SNTG2: variants seen among roughly 807,000 people sequenced by gnomAD.
SNTG2 encodes gamma-2-syntrophin.
A neutral mutation model predicts 70.9 loss-of-function variants in SNTG2; 74 were observed. The ratio of observed to expected loss-of-function variants is 1.04; its 90% confidence interval spans 0.86 to 1.27. The LOEUF (loss-of-function observed/expected upper bound fraction) is 1.27. SNTG2 is among the 50% of genes most tolerant of loss of function. The pLI is 0.00. For missense variants in SNTG2, 717 were observed against 690.7 expected, an observed-to-expected ratio of 1.04 and a Z score of -0.43; for synonymous variants, 278 against 273.8, an observed-to-expected ratio of 1.02 and a Z score of -0.15.
intron 1 of SNTG2, among the ~76,000 whole-genome samples, chr2:958,746 G>A (rs756800267): frequency 6.6e-6 from 1 of 151,772 alleles, no homozygotes; most frequent in Non-Finnish European, 1.5e-5. Context: ...AAAATTGTGT[G>A]GACTTCCAAA....
chr2:1,180,007 T>TATGTAGAA (rs1671755105), intron 8 of SNTG2, among the ~76,000 whole-genome samples: 1 of 134,018 alleles, frequency 7.5e-6, no homozygotes, highest in African/African-American at 2.7e-5. Flanking sequence ...GAAAACTGGC[T>TATGTAGAA]AGCCATATGT....
intron 8 of SNTG2, among the ~76,000 whole-genome samples, chr2:1,203,146 A>G (rs1408135491): frequency 1.3e-5 from 2 of 152,178 alleles, no homozygotes; most frequent in Non-Finnish European, 2.9e-5. Context: ...AACATTCAAC[A>G]AGATAGATGG....
chr2:1,281,028 T>G (rs1430465954), intron 14 of SNTG2, among the ~76,000 whole-genome samples: 1 of 152,164 alleles, frequency 6.6e-6, no homozygotes, highest in Non-Finnish European at 1.5e-5. Flanking sequence ...CTCCAAGTAG[T>G]TTTTTATTCA....
At chr2:1,122,763 A>G (rs950585476) in intron 4 of SNTG2, among the ~76,000 whole-genome samples, 9 of 151,956 alleles carry the variant, frequency 5.9e-5, no homozygotes, top group African/African-American at 2.2e-4. Context: ...TAAGAAAGGA[A>G]GAAGTAAAGT....
rs531054872 is a variant in SNTG2 at position 1,291,475 on chromosome 2, TTTTAGC to T, written c.1285-17017_1285-17012del. On this transcript the variant is annotated intron_variant, in intron 14 of 16. Transcript: ENST00000308624. The stretch of plus-strand genomic sequence containing the variant: ...ATTTTTAATCACAAGAATTTTACAA[TTTTAGC>T]TGTGACATTTAGAGTTTTGGTCTGT... 5.0e-3 allele frequency among the ~76,000 whole-genome samples: 765 copies of T among 152,296 alleles called. 10 individuals are homozygous for T. The highest frequency in any genetic ancestry group is 0.017 in the African/African-American group (703 of 41,564).
chr2:1,181,083 G>T (rs1266181542), intron 8 of SNTG2, among the ~76,000 whole-genome samples: 1 of 152,106 alleles, frequency 6.6e-6, no homozygotes, highest in African/African-American at 2.4e-5. Flanking sequence ...GGGGGAAGGG[G>T]AGAGGGATAG....
At chr2:1,075,274 G>C (rs76046748) in intron 1 of SNTG2, among the ~76,000 whole-genome samples, 1 of 152,182 alleles carries the variant, frequency 6.6e-6, no homozygotes, top group African/African-American at 2.4e-5. Context: ...GAGTGGGGAC[G>C]ACCTGAGTGG....
intron 14 of SNTG2, among the ~76,000 whole-genome samples, chr2:1,287,063 C>T (rs1189496173): frequency 1.3e-5 from 2 of 152,062 alleles, no homozygotes; most frequent in Non-Finnish European, 2.9e-5. Flanking sequence ...GAAGGGCAGG[C>T]GTGTTTGGAA....
intron 14 of SNTG2, among the ~76,000 whole-genome samples, chr2:1,294,932 C>T (rs1352785010): frequency 3.9e-5 from 6 of 152,342 alleles, no homozygotes; most frequent in South Asian, 2.1e-4. Flanking sequence ...CACCCAGAGG[C>T]GAGGAAGTAG....
chr2:1,204,672 G>A (rs574266750), intron 8 of SNTG2, among the ~76,000 whole-genome samples: 5 of 152,254 alleles, frequency 3.3e-5, no homozygotes, highest in South Asian at 2.1e-4. Context: ...TTCTCATCAC[G>A]TTCTTTACAG....
At chr2:1,155,605 C>T (rs1409954018) in intron 6 of SNTG2, among the ~76,000 whole-genome samples, 2 of 152,186 alleles carry the variant, frequency 1.3e-5, no homozygotes, top group African/African-American at 4.8e-5. Flanking sequence ...ACAATCTGGA[C>T]GTCAGCCCTG....
intron 16 of SNTG2, among the ~76,000 whole-genome samples, chr2:1,363,129 A>AC (rs11453480): frequency 0.3 from 41,500 of 140,622 alleles, 7,792 homozygotes; most frequent in East Asian, 0.57. Context: ...CACAAAATGG[A>AC]CCCCCCCCAT....
chr2:1,001,281 GAGAA>G (rs1218329610), intron 1 of SNTG2, among the ~76,000 whole-genome samples: 35 of 152,162 alleles, frequency 2.3e-4, no homozygotes, highest in Admixed American at 6.5e-4. Flanking sequence ...AGTCAGTAAA[GAGAA>G]AGACATAAAA....
At chr2:1,125,692 T>A (rs4511755) in intron 4 of SNTG2, among the ~76,000 whole-genome samples, 72,183 of 151,954 alleles carry the variant, frequency 0.48, 18,164 homozygotes, top group East Asian at 0.66. Flanking sequence ...CTGTTTTAAT[T>A]TTGATGTGTG....
rs180749473 is a variant in SNTG2 at position 1,306,095 on chromosome 2, C to T, written c.1285-2399C>T. On this transcript the variant is annotated intron_variant, in intron 14 of 16. Transcript: ENST00000308624. The stretch of plus-strand genomic sequence containing the variant: ...ACCTCCTGTGGCCTTTCACATAGAA[C>T]CTCAGTCCTTATCACACTCTGGGTC... Among the ~76,000 whole-genome samples the T allele has an allele frequency of 2.1e-3, 319 of 152,328 alleles. 1 individual carries two copies. The highest frequency in any genetic ancestry group is 6.6e-3 in the South Asian group (32 of 4,828).
rs554486231 is a variant in SNTG2 at position 1,026,513 on chromosome 2, G to T, written c.73-57005G>T. Among the ~76,000 whole-genome samples, 10 of 152,236 alleles carry T rather than the reference G, an allele frequency of 6.6e-5. 1 individual carries two copies. In the South Asian group the frequency reaches 1.2e-3, roughly 19 times the overall value. ...TCCAAAAACACAAATAAATAAAACT[G>T]CTAGGAAAAAAAGTGAGGGAGATAT... On this transcript the variant is annotated intron_variant, in intron 1 of 16. Transcript: ENST00000308624.
chr2:1,193,146 G>A (rs1424648157), intron 8 of SNTG2, among the ~76,000 whole-genome samples: 1 of 152,176 alleles, frequency 6.6e-6, no homozygotes, highest in African/African-American at 2.4e-5. Flanking sequence ...CCTCATTGTT[G>A]TAATAGCTTC....
intron 8 of SNTG2, among the ~76,000 whole-genome samples, chr2:1,196,917 A>G (rs1672943553): frequency 6.6e-6 from 1 of 152,186 alleles, no homozygotes; most frequent in Non-Finnish European, 1.5e-5. Context: ...CACATCTACC[A>G]TCATGAAAAA....
intron 1 of SNTG2, among the ~76,000 whole-genome samples, chr2:1,023,335 C>T (rs1332653509): frequency 6.6e-6 from 1 of 152,046 alleles, no homozygotes; most frequent in Admixed American, 6.5e-5. Context: ...ATTGTGTTTT[C>T]TCCTGTAGTG....
Sources: gnomAD v4.1 joint callset for allele counts (sites outside exome capture counted in the v4.1 genomes callset) on GRCh38, gnomAD v4.1.1 for gene constraint, MANE v1.5 for transcripts, NCBI Gene and HGNC (gene_info 2026-07-23, HGNC 2026-07-21) for gene names.